PAX8: variants seen among roughly 807,000 people sequenced by gnomAD.
PAX8 encodes the protein paired box 8, also known as paired box protein Pax-8.
Under a neutral mutation model 52.4 loss-of-function variants are expected in PAX8, and 15 were observed. The ratio of observed to expected loss-of-function variants is 0.29; its 90% CI spans 0.19 to 0.44. PAX8 has a LOEUF of 0.44. PAX8 is among the 20% of genes least tolerant of loss of function. The probability of loss-of-function intolerance (pLI) is 1.00; values close to 1 mark genes in which losing one functional copy is unlikely to be tolerated. For synonymous variants in PAX8, 284 were observed against 249.7 expected (o/e 1.14, Z -1.29); for missense variants, 554 against 602.5 (o/e 0.92, Z 0.84).
chr2:113,229,046 C>G (rs1361872546), intron 9 of PAX8, among the ~76,000 whole-genome samples: 4 of 152,186 alleles, frequency 2.6e-5, no homozygotes, highest in Admixed American at 6.5e-5. Context: ...GCTAAATTAG[C>G]AAGGCCGGGC....
chr2:113,244,373 T>A lies in PAX8; in HGVS notation c.389+54A>T. 6.5e-6 allele frequency: 9 copies of A among 1,381,408 alleles called. No homozygotes were observed. In the South Asian group the frequency reaches 1.0e-4, roughly 16 times the overall value. 85.6% of individuals were successfully genotyped at this position (1,381,408 alleles called of 1,614,324 possible). ...AGGCCTTTCTTGTCTCTTTCCTGAT[T>A]TCCCCAAAGCCCAGGGGCCCCAGCC... is the stretch of plus-strand genomic sequence containing the variant. On this transcript the variant is annotated intron_variant, in intron 4 of 11. Coordinates refer to ENST00000429538, the MANE Select transcript of PAX8 (RefSeq NM_003466.4).
chr2:113,227,275 G>C lies in PAX8; in HGVS notation c.1088-19C>G, dbSNP rs1293329871. Reference sequence around the variant, plus strand: ...TCTCGCCCTGGAAAAATACAGCAAAGAGTCGTCAGTTGGACCATGGGGGCT... The same window carrying C: ...TCTCGCCCTGGAAAAATACAGCAAACAGTCGTCAGTTGGACCATGGGGGCT... On this transcript the variant is annotated intron_variant, in intron 9 of 11. Transcript: ENST00000429538. 6.3e-7 allele frequency: 1 copy of C among 1,590,336 alleles called. No individual in the cohort carries two copies. Among genetic ancestry groups the C allele is most frequent in the Non-Finnish European group, 8.6e-7 (1 of 1,167,076 alleles).
intron 7 of PAX8, chr2:113,238,217 G>A (rs3762495): frequency 0.061 from 9,252 of 152,036 alleles, 1,293 homozygotes; most frequent in East Asian, 0.52. Flanking sequence ...TTACAGGTGC[G>A]TGCTACCATG....
rs1573393178 is a variant in PAX8, at chr2:113,217,876, G to A, written c.*657C>T. ...GTGGTGCTATACCTTCACAGCAGCA[G>A]GCAAAAGAGGTCAGCTGACAGCCTG... On this transcript the variant is annotated 3_prime_UTR_variant, in exon 12 of 12. Coordinates refer to ENST00000429538, the MANE Select transcript of PAX8 (RefSeq NM_003466.4). The A allele has an allele frequency of 4.3e-6, 1 of 233,344 alleles. No homozygotes were observed. Among genetic ancestry groups the A allele is most frequent in the East Asian group, 6.0e-5 (1 of 16,566 alleles). 14.5% of individuals were successfully genotyped at this position (233,344 alleles called of 1,614,324 possible).
At chr2:113,247,044 C>T in intron 2 of PAX8, 125 bp from the exon 3 acceptor site, 1 of 942,486 alleles carries the variant, frequency 1.1e-6, no homozygotes, top group Non-Finnish European at 1.7e-6. Context: ...ATCCCACGGC[C>T]AGGCCCTGTG....
intron 10 of PAX8, chr2:113,226,614 A>G (rs914754869): frequency 9.3e-7 from 1 of 1,070,092 alleles, no homozygotes; most frequent in Admixed American, 4.6e-5. Flanking sequence ...GGTCCTATCC[A>G]TGCAGGCTTG....
In PAX8 at chr2:113,241,601, G is replaced by C. The variant is rs1195009897; in HGVS notation, c.727C>G (p.Gln243Glu). The C allele has an allele frequency of 2.5e-6, 4 of 1,613,172 alleles. No individual in the cohort carries two copies. Among genetic ancestry groups the C allele is most frequent in the Middle Eastern group, 1.6e-4 (1 of 6,074 alleles). The change falls in exon 7 of 12, where the codon CAG (glutamine) becomes GAG (glutamate). Residue 243 changes from glutamine (Q) to glutamate (E), a missense_variant. Physicochemically the swap from Gln to Glu is conservative, Grantham distance 29 (BLOSUM62 2). Coordinates refer to ENST00000429538, the MANE Select transcript of PAX8 (RefSeq NM_003466.4). ...GAGGCATAGGCCTCTGGGTAGTGCT[G>C]CCGCTCAAATGGGCACTCGAGCGGC... Reference protein sequence around the residue: ...LEPLECPFERQHYPEAYASPS... With the variant: ...LEPLECPFEREHYPEAYASPS...
intron 7 of PAX8, 34 bp from the exon 8 acceptor site, chr2:113,236,755 G>A (rs370760163): frequency 4.5e-6 from 7 of 1,543,680 alleles, no homozygotes; most frequent in South Asian, 2.4e-5. Context: ...GCACAGAGAC[G>A]ATCCAACAAG....
At chr2:113,219,707 G>A (rs574537957) in intron 11 of PAX8, among the ~76,000 whole-genome samples, 3 of 152,298 alleles carry the variant, frequency 2.0e-5, no homozygotes, top group South Asian at 4.2e-4. Flanking sequence ...ACATTCTGGC[G>A]GGTGCCCTGC....
At chr2:113,231,363 G>A (rs1689877958) in intron 9 of PAX8, among the ~76,000 whole-genome samples, 1 of 152,208 alleles carries the variant, frequency 6.6e-6, no homozygotes, top group African/African-American at 2.4e-5. Flanking sequence ...CTCCAGACTG[G>A]GGCTTCCAAA....
chr2:113,248,993 G>A (rs1038068820), intron 2 of PAX8, among the ~76,000 whole-genome samples: 3 of 152,194 alleles, frequency 2.0e-5, no homozygotes, highest in Non-Finnish European at 4.4e-5. Flanking sequence ...GGAGGTGGGG[G>A]TGCTCTAAGC....
chr2:113,229,336 T>A (rs1689758649), intron 9 of PAX8, among the ~76,000 whole-genome samples: 1 of 152,230 alleles, frequency 6.6e-6, no homozygotes, highest in Non-Finnish European at 1.5e-5. Context: ...GTTATCTGCA[T>A]AATTCAGAGC....
rs1691150484 is a variant in PAX8 at position 113,244,544 on chromosome 2, T to C, written c.272A>G (p.Lys91Arg). 6.2e-7 allele frequency: 1 copy of C among 1,614,160 alleles called. No individual in the cohort carries two copies. Among genetic ancestry groups the C allele is most frequent in the Non-Finnish European group, 8.5e-7 (1 of 1,179,992 alleles). ...PKVATPKVVE[K>R]IGDYKRQNPT... ...GTTCTGGCGTTTGTAGTCCCCAATC[T>C]TCTCCACCACCTTGGGGGTGGCCAC... Residue 91 changes from lysine (K) to arginine (R), a missense_variant, in exon 4 of 12, where the codon AAG becomes AGG. By Grantham distance (26) the Lys-to-Arg change is conservative. Transcript: ENST00000429538.
chr2:113,267,459 A>G (rs1253461229), intron 2 of PAX8: 1 of 152,226 alleles, frequency 6.6e-6, no homozygotes, highest in Non-Finnish European at 1.5e-5. Flanking sequence ...CCGTAACTTC[A>G]GTGAGGAGCT....
Position 113,241,998 on chromosome 2 carries a change from C to T in PAX8, c.601+10G>A. 1 of 1,613,334 alleles carries T rather than the reference C, an allele frequency of 6.2e-7. No homozygotes were observed. The highest frequency in any genetic ancestry group is 8.5e-7 in the Non-Finnish European group (1 of 1,179,672). On this transcript the variant is annotated intron_variant, in intron 6 of 11. Coordinates refer to ENST00000429538, the MANE Select transcript of PAX8 (RefSeq NM_003466.4). ...TGCACCGCCCGCTGCCCTCCTGTCC[C>T]AGCACTCACTGTCATCCATTTTCCT... is the stretch of plus-strand genomic sequence containing the variant.
chr2:113,263,110 T>A (rs1437284265), intron 2 of PAX8, among the ~76,000 whole-genome samples: 2 of 152,214 alleles, frequency 1.3e-5, no homozygotes, highest in Non-Finnish European at 2.9e-5. Context: ...GTTCAGTCAG[T>A]CAAGTAGAGG....
chr2:113,241,232 C>T, intron 7 of PAX8: 1 of 487,510 alleles, frequency 2.1e-6, no homozygotes, highest in Non-Finnish European at 3.8e-6. Flanking sequence ...GCTACTGCTT[C>T]AGAGTTGTGG....
intron 7 of PAX8, chr2:113,240,484 C>T (rs779533685): frequency 2.6e-5 from 4 of 152,258 alleles, no homozygotes; most frequent in Admixed American, 2.6e-4. Flanking sequence ...GGCAACAGAC[C>T]CACCCTGAAG....
chr2:113,259,006 G>T (rs1213774307), intron 2 of PAX8: 1 of 152,176 alleles, frequency 6.6e-6, no homozygotes, highest in Non-Finnish European at 1.5e-5. Context: ...GGGAGCACAG[G>T]GGCCAGAGAG....
Sources: gnomAD v4.1 joint callset for allele counts (sites outside exome capture counted in the v4.1 genomes callset) on GRCh38, gnomAD v4.1.1 for gene constraint, MANE v1.5 for transcripts, NCBI Gene and HGNC (gene_info 2026-07-23, HGNC 2026-07-21) for gene names.